The following PDE4D variants were observed in gnomAD, a reference collection of about 807,000 sequenced individuals.
PDE4D encodes 3',5'-cyclic-AMP phosphodiesterase 4D.
In PDE4D, 24 loss-of-function variants were observed where a neutral mutation model predicts 87.4. The ratio of observed to expected loss-of-function variants is 0.27; its 90% CI spans 0.20 to 0.39. The LOEUF is 0.39. Ranked by LOEUF, PDE4D falls within the 10% of genes least tolerant of loss-of-function variation. The pLI is 1.00. For synonymous variants in PDE4D, 384 were observed against 383.2 expected, an observed-to-expected ratio of 1.00 and a Z score of -0.02; for missense variants, 714 against 1,041.0, an observed-to-expected ratio of 0.69 and a Z score of 4.32.
chr5:60,062,062 A>G (rs1169288737), intron 2 of PDE4D, among the ~76,000 whole-genome samples: 1 of 152,214 alleles, frequency 6.6e-6, no homozygotes, highest in Non-Finnish European at 1.5e-5. Context: ...TAAAATTGAC[A>G]AATGGGATCT....
chr5:59,688,460 T>A (rs969981163), intron 1 of PDE4D, among the ~76,000 whole-genome samples: 2 of 152,186 alleles, frequency 1.3e-5, no homozygotes, highest in African/African-American at 2.4e-5. Flanking sequence ...AACCTGCTCC[T>A]GAATGACTAC....
chr5:59,921,585 G>T (rs562126257), intron 3 of PDE4D, among the ~76,000 whole-genome samples: 1 of 152,226 alleles, frequency 6.6e-6, no homozygotes, highest in South Asian at 2.1e-4. Context: ...TAGATTAATT[G>T]CTGGTTGCTG....
chr5:60,069,673 C>A (rs1286290340), intron 2 of PDE4D, among the ~76,000 whole-genome samples: 1 of 151,784 alleles, frequency 6.6e-6, no homozygotes, highest in Admixed American at 6.6e-5. Context: ...TTTCTTGACT[C>A]ATGGCTCCAT....
chr5:60,501,194 C>T (rs1281573568), intron 1 of PDE4D, among the ~76,000 whole-genome samples: 1 of 152,050 alleles, frequency 6.6e-6, no homozygotes, highest in East Asian at 1.9e-4. Flanking sequence ...TGTTCCCCTT[C>T]CTGTGTCCAT....
chr5:59,374,408 A>G (rs547690453), intron 1 of PDE4D, among the ~76,000 whole-genome samples: 1 of 152,318 alleles, frequency 6.6e-6, no homozygotes, highest in African/African-American at 2.4e-5. Context: ...CTTTAAACCA[A>G]CAAAGATAAA....
In PDE4D at chr5:59,412,565, AT is replaced by A. The variant is rs141017729; in HGVS notation, c.456-196598del. Among the ~76,000 whole-genome samples the A allele has an allele frequency of 8.7e-3, 1,321 of 152,280 alleles. 23 individuals carry two copies. Among genetic ancestry groups the A allele is most frequent in the African/African-American group, 0.03 (1,263 of 41,550 alleles). On this transcript the variant is annotated intron_variant, in intron 1 of 14. Coordinates refer to ENST00000340635, the MANE Select transcript of PDE4D (RefSeq NM_001104631.2). ...TGTTCTTACTTGGCAAGCACATGAAATTGAAGATCACTGCTGCATCTCATGC... is the reference window on the plus strand; with the variant it reads ...TGTTCTTACTTGGCAAGCACATGAAATGAAGATCACTGCTGCATCTCATGC...
At chr5:59,803,058 C>A (rs1025759060) in intron 1 of PDE4D, among the ~76,000 whole-genome samples, 1 of 152,156 alleles carries the variant, frequency 6.6e-6, no homozygotes, top group Admixed American at 6.5e-5. Flanking sequence ...AGAGTACAAT[C>A]TCTACCTGGT....
intron 1 of PDE4D, among the ~76,000 whole-genome samples, chr5:59,685,666 G>A (rs1749737616): frequency 6.6e-6 from 1 of 152,070 alleles, no homozygotes; most frequent in Non-Finnish European, 1.5e-5. Flanking sequence ...TATTGACAGA[G>A]TAAGAAATTA....
intron 1 of PDE4D, among the ~76,000 whole-genome samples, chr5:60,396,484 T>G (rs576113487): frequency 6.6e-6 from 1 of 152,328 alleles, no homozygotes; most frequent in East Asian, 1.9e-4. Context: ...CCTCTCTCTC[T>G]GGTTCTATAT....
At chr5:60,050,059 A>C (rs1398457855) in intron 2 of PDE4D, among the ~76,000 whole-genome samples, 1 of 152,140 alleles carries the variant, frequency 6.6e-6, no homozygotes, top group Non-Finnish European at 1.5e-5. Flanking sequence ...TGCAGGATAT[A>C]ATCTCCTGGT....
chr5:60,133,474 T>C (rs1319867192), intron 2 of PDE4D, among the ~76,000 whole-genome samples: 1 of 152,008 alleles, frequency 6.6e-6, no homozygotes, highest in Non-Finnish European at 1.5e-5. Context: ...GATTGCAGGC[T>C]ATAGTCAACT....
chr5:59,496,331 T>C (rs1292726894), intron 1 of PDE4D, among the ~76,000 whole-genome samples: 1 of 152,018 alleles, frequency 6.6e-6, no homozygotes, highest in Non-Finnish European at 1.5e-5. Flanking sequence ...AGGCACAGGA[T>C]GGTAGGGGGC....
intron 1 of PDE4D, among the ~76,000 whole-genome samples, chr5:59,730,581 G>A (rs565937759): frequency 2.6e-5 from 4 of 152,132 alleles, no homozygotes; most frequent in South Asian, 2.1e-4. Context: ...AACAGAATTG[G>A]GGACTATCAA....
chr5:59,403,154 CAGACAGACAGACAGACAGACAGAT>C (rs1268007704), intron 1 of PDE4D, among the ~76,000 whole-genome samples: 2 of 116,816 alleles, frequency 1.7e-5, no homozygotes, highest in African/African-American at 6.0e-5. Flanking sequence ...GACAGACAGA[CAGACAGACAGACAGACAGACAGAT>C]AGATAGATAG....
chr5:60,394,327 A>G (rs1480843466), intron 1 of PDE4D, among the ~76,000 whole-genome samples: 2 of 152,242 alleles, frequency 1.3e-5, no homozygotes, highest in South Asian at 4.1e-4. Flanking sequence ...TTTAAATTAT[A>G]GTGGCAGCTC....
chr5:60,431,365 C>T lies in PDE4D; in HGVS notation c.-90+56577G>A, dbSNP rs537770472. 3.3e-5 allele frequency among the ~76,000 whole-genome samples: 5 copies of T among 151,148 alleles called. No individual in the cohort carries two copies. The South Asian group carries it at 6.3e-4, about 19-fold the overall frequency. On this transcript the variant is annotated intron_variant, in intron 1 of 16. Transcript: ENST00000502484. ...CTCCTCACTTCTCAGATGGGGCGGCCGGGCAGAGACGCTCCTCACCTCCCA... is the reference window on the plus strand; with the variant it reads ...CTCCTCACTTCTCAGATGGGGCGGCTGGGCAGAGACGCTCCTCACCTCCCA...
rs35238877 is a variant in PDE4D, at chr5:59,285,212, TA to T, written c.456-69245del. On this transcript the variant is annotated intron_variant, in intron 1 of 14. Transcript: ENST00000340635. ...ATGTACCCTAAAACTTAAAGTATAA[TA>T]AAAAAAAAAAAAAAGAAAACAGGGA... is the stretch of plus-strand genomic sequence containing the variant. Among the ~76,000 whole-genome samples, 1,039 of 134,526 alleles carry T rather than the reference TA, an allele frequency of 7.7e-3. 6 individuals carry two copies. Among genetic ancestry groups the T allele is most frequent in the Middle Eastern group, 0.011 (3 of 262 alleles). The allele number at this position is 134,526 out of a possible 152,430, so 88.3% of individuals were successfully genotyped here.
intron 1 of PDE4D, among the ~76,000 whole-genome samples, chr5:59,809,113 G>C (rs1768058547): frequency 6.6e-6 from 1 of 152,172 alleles, no homozygotes; most frequent in Non-Finnish European, 1.5e-5. Context: ...TTAAATTTAA[G>C]TACCGTGCCT....
chr5:60,474,139 TATATATATATAACA>T lies in PDE4D; in HGVS notation c.-90+13789_-90+13802del, dbSNP rs1170767922. Among the ~76,000 whole-genome samples, 317 of 97,166 alleles carry T rather than the reference TATATATATATAACA, an allele frequency of 3.3e-3. 9 individuals carry two copies. The highest frequency in any genetic ancestry group is 0.019 in the African/African-American group (289 of 15,186). 63.7% of individuals were successfully genotyped at this position (97,166 alleles called of 152,430 possible). Reference sequence around the variant, plus strand: ...ATATATATATATATATATATATATATATATATATATAACAAAAACCTTAGACTGGGCAATTTATA... The same window carrying T: ...ATATATATATATATATATATATATATAAAACCTTAGACTGGGCAATTTATA... On this transcript the variant is annotated intron_variant, in intron 1 of 16. Coordinates refer to the PDE4D transcript ENST00000502484.
Sources: allele counts gnomAD v4.1 joint callset (sites outside exome capture counted in the v4.1 genomes callset), GRCh38; gene constraint gnomAD v4.1.1; transcripts MANE v1.5; gene names NCBI Gene and HGNC (gene_info 2026-07-23, HGNC 2026-07-21).